KIRREL3: variants seen among roughly 807,000 people sequenced by gnomAD.
KIRREL3 encodes the protein kirre like nephrin family adhesion molecule 3.
KIRREL3 carries 36 observed loss-of-function variants against 89.7 expected under a neutral mutation model. The observed-to-expected ratio is 0.40, with a 90% CI of 0.31 to 0.53. The LOEUF is 0.53. KIRREL3 is among the 20% of genes least tolerant of loss of function. KIRREL3 has a pLI of 0.49. For synonymous variants in KIRREL3, 445 were observed against 441.4 expected (o/e 1.01, Z -0.10); for missense variants, 864 against 1,056.6 (o/e 0.82, Z 2.53).
intron 1 of KIRREL3, among the ~76,000 whole-genome samples, chr11:126,838,021 T>A (rs1031583395): frequency 6.6e-6 from 1 of 152,238 alleles, no homozygotes; most frequent in Admixed American, 6.5e-5. Context: ...TGTAAGTCAT[T>A]GCCCATCATC....
At chr11:126,800,998 G>A in intron 1 of KIRREL3, among the ~76,000 whole-genome samples, 1 of 152,144 alleles carries the variant, frequency 6.6e-6, no homozygotes, top group East Asian at 1.9e-4. Flanking sequence ...CACTGCTTTA[G>A]CAGCTGATAT....
rs745330811 is a variant in KIRREL3, at chr11:126,710,816, C to A, written c.56-147904G>T. The stretch of plus-strand genomic sequence containing the variant: ...AGATCTACTACAGTTTGACAACTGC[C>A]ACAAACACAAATCTTATTTGGGAGT... On this transcript the variant is annotated intron_variant, in intron 1 of 16. Transcript: ENST00000525144. This position sits in a 1 kb window ranked among gnomAD's most constrained non-coding sequence, Gnocchi z 4.2. 1.3e-5 allele frequency among the ~76,000 whole-genome samples: 2 copies of A among 152,176 alleles called. No homozygotes were observed. The highest frequency in any genetic ancestry group is 2.4e-5 in the African/African-American group (1 of 41,444).
intron 4 of KIRREL3, among the ~76,000 whole-genome samples, chr11:126,511,617 G>T (rs1489051227): frequency 1.3e-5 from 2 of 152,152 alleles, no homozygotes; most frequent in African/African-American, 2.4e-5. Flanking sequence ...TTAGGCTCTG[G>T]CCCCTGCCAA....
rs925381927 is a variant in KIRREL3 at position 126,431,198 on chromosome 11, G to A, written c.1696+221C>T. 13 of 1,485,040 alleles carry A rather than the reference G, an allele frequency of 8.8e-6. No individual in the cohort carries two copies. The highest frequency in any genetic ancestry group is 2.7e-5 in the South Asian group (2 of 73,540). 92.0% of individuals were successfully genotyped at this position (1,485,040 alleles called of 1,614,324 possible). ...CTGGCTGCCCTGCAGATGAAGTTCA[G>A]TCTAGTCCAGGTCAACCTCAGCCTA... On this transcript the variant is annotated intron_variant, in intron 14 of 16. Coordinates refer to ENST00000525144, the MANE Select transcript of KIRREL3 (RefSeq NM_032531.4). This position sits in a 1 kb window ranked among gnomAD's most constrained non-coding sequence, Gnocchi z 7.1.
chr11:126,610,221 G>C lies in KIRREL3; in HGVS notation c.56-47309C>G, dbSNP rs537707535. On this transcript the variant is annotated intron_variant, in intron 1 of 16. Transcript: ENST00000525144. The surrounding 1 kb of genome is among the most constrained non-coding windows in gnomAD (Gnocchi z 4.6). ...TTCTCCTGCCTCAGCCTGCCGAGTG[G>C]CTGGGATTACAGGCATGCACCACCA... Among the ~76,000 whole-genome samples the C allele has an allele frequency of 6.6e-6, 1 of 152,124 alleles. No homozygotes were observed. Among genetic ancestry groups the C allele is most frequent in the East Asian group, 1.9e-4 (1 of 5,194 alleles).
At chr11:126,984,576 A>G (rs1005563140) in intron 1 of KIRREL3, among the ~76,000 whole-genome samples, 3 of 152,216 alleles carry the variant, frequency 2.0e-5, no homozygotes, top group East Asian at 3.9e-4. Context: ...TAATGGAGTT[A>G]TTATGTTCTC....
rs527769509 is a variant in KIRREL3 at position 126,445,323 on chromosome 11, G to A, written c.1126-218C>T. 2.0e-5 allele frequency among the ~76,000 whole-genome samples: 3 copies of A among 152,340 alleles called. 1 individual carries two copies. Among genetic ancestry groups the A allele is most frequent in the African/African-American group, 4.8e-5 (2 of 41,586 alleles). On this transcript the variant is annotated intron_variant, in intron 9 of 16. Coordinates refer to ENST00000525144, the MANE Select transcript of KIRREL3 (RefSeq NM_032531.4). ...ACTGTACCAGCAGAGAGGCCACCCCGTGTGACTGAGGATGTTACATCCCAG... is the reference window on the plus strand; with the variant it reads ...ACTGTACCAGCAGAGAGGCCACCCCATGTGACTGAGGATGTTACATCCCAG...
intron 1 of KIRREL3, among the ~76,000 whole-genome samples, chr11:126,851,350 C>T (rs2134565312): frequency 6.6e-6 from 1 of 152,278 alleles, no homozygotes; most frequent in East Asian, 1.9e-4. Flanking sequence ...CCTATTCAGA[C>T]ATTTGGGGTG....
At chr11:126,720,226 A>G (rs1237696769) in intron 1 of KIRREL3, among the ~76,000 whole-genome samples, 1 of 152,204 alleles carries the variant, frequency 6.6e-6, no homozygotes, top group East Asian at 1.9e-4. Context: ...TTTGTCCACT[A>G]CTGTATCTCC....
Position 126,454,788 on chromosome 11 carries a change from G to A in KIRREL3, c.848+1561C>T, listed in dbSNP as rs1052341264. ...TGATTCTGGGGAGCCTGGAGTCCCC[G>A]GCTCAGAAGGGACCCTGGAGGTCAT... is the stretch of plus-strand genomic sequence containing the variant. On this transcript the variant is annotated intron_variant, in intron 7 of 16. Coordinates refer to ENST00000525144, the MANE Select transcript of KIRREL3 (RefSeq NM_032531.4). The surrounding 1 kb of genome is among the most constrained non-coding windows in gnomAD (Gnocchi z 5.8). Among the ~76,000 whole-genome samples, 3 of 152,142 alleles carry A rather than the reference G, an allele frequency of 2.0e-5. No individual in the cohort carries two copies. The highest frequency in any genetic ancestry group is 1.9e-4 in the East Asian group (1 of 5,194).
chr11:126,992,275 T>G (rs1181107859), intron 1 of KIRREL3, among the ~76,000 whole-genome samples: 2 of 152,236 alleles, frequency 1.3e-5, no homozygotes, highest in Admixed American at 6.5e-5. Flanking sequence ...GGACGTCATC[T>G]AGTCTACTCT....
In KIRREL3 at chr11:126,535,181, A is replaced by T. The variant is rs991811620; in HGVS notation, c.134-8494T>A. On this transcript the variant is annotated intron_variant, in intron 2 of 16. Coordinates refer to ENST00000525144, the MANE Select transcript of KIRREL3 (RefSeq NM_032531.4). The surrounding 1 kb of genome is among the most constrained non-coding windows in gnomAD (Gnocchi z 4.5). ...CCCAGTTGTTTCCCCACCCTCCTCCATCGGGACTCCTCCTGACTGCTCTTC... is the reference window on the plus strand; with the variant it reads ...CCCAGTTGTTTCCCCACCCTCCTCCTTCGGGACTCCTCCTGACTGCTCTTC... 6.6e-6 allele frequency among the ~76,000 whole-genome samples: 1 copy of T among 152,012 alleles called. No homozygotes were observed. The highest frequency in any genetic ancestry group is 1.5e-5 in the Non-Finnish European group (1 of 68,010).
chr11:126,772,572 G>A lies in KIRREL3; in HGVS notation c.56-209660C>T, dbSNP rs558950252. 2.0e-5 allele frequency among the ~76,000 whole-genome samples: 3 copies of A among 152,338 alleles called. No individual in the cohort carries two copies. Among genetic ancestry groups the A allele is most frequent in the East Asian group, 3.9e-4 (2 of 5,190 alleles). On this transcript the variant is annotated intron_variant, in intron 1 of 16. Transcript: ENST00000525144. The surrounding 1 kb of genome is among the most constrained non-coding windows in gnomAD (Gnocchi z 4.6). Reference sequence around the variant, plus strand: ...CAATGTGGCTCACAGAGTGGGAAGGGCAGATGAGCAGAATCAACGTGGGCA... The same window carrying A: ...CAATGTGGCTCACAGAGTGGGAAGGACAGATGAGCAGAATCAACGTGGGCA...
chr11:126,732,972 T>A (rs1171949367), intron 1 of KIRREL3, among the ~76,000 whole-genome samples: 2 of 152,198 alleles, frequency 1.3e-5, no homozygotes, highest in Non-Finnish European at 2.9e-5. Flanking sequence ...TTTGGTGAAA[T>A]GCAATGTGGA....
In KIRREL3 at chr11:126,870,827, C is replaced by G. The variant is rs1194952316; in HGVS notation, c.55+129628G>C. 6.6e-6 allele frequency among the ~76,000 whole-genome samples: 1 copy of G among 152,172 alleles called. No individual in the cohort carries two copies. The highest frequency in any genetic ancestry group is 6.5e-5 in the Admixed American group (1 of 15,276). Reference sequence around the variant, plus strand: ...GTGTAGTTCCTGCACTGCCCCTCCCCACTTCCAGTGTAGATCTGGGCCCCT... The same window carrying G: ...GTGTAGTTCCTGCACTGCCCCTCCCGACTTCCAGTGTAGATCTGGGCCCCT... On this transcript the variant is annotated intron_variant, in intron 1 of 16. Transcript: ENST00000525144. This position sits in a 1 kb window ranked among gnomAD's most constrained non-coding sequence, Gnocchi z 4.4.
intron 1 of KIRREL3, among the ~76,000 whole-genome samples, chr11:126,714,065 G>A (rs1439750769): frequency 6.6e-6 from 1 of 152,152 alleles, no homozygotes; most frequent in Non-Finnish European, 1.5e-5. Flanking sequence ...CAGGGCTGGG[G>A]AGGGGAAAGG....
rs1031080032 is a variant in KIRREL3 at position 126,685,230 on chromosome 11, G to A, written c.56-122318C>T. ...GATAGCCCCAGCTCTGCTCTGGGGA[G>A]TCAGGGGCAGGGCGGCAGATGCTTG... On this transcript the variant is annotated intron_variant, in intron 1 of 16. Coordinates refer to ENST00000525144, the MANE Select transcript of KIRREL3 (RefSeq NM_032531.4). The surrounding 1 kb of genome is among the most constrained non-coding windows in gnomAD (Gnocchi z 5.5). 6.6e-6 allele frequency among the ~76,000 whole-genome samples: 1 copy of A among 152,210 alleles called. No individual in the cohort carries two copies. Among genetic ancestry groups the A allele is most frequent in the African/African-American group, 2.4e-5 (1 of 41,446 alleles).
chr11:126,613,870 G>GC, intron 1 of KIRREL3, among the ~76,000 whole-genome samples: 1 of 40,374 alleles, frequency 2.5e-5, no homozygotes, highest in South Asian at 1.0e-3. Flanking sequence ...TAATACTGTT[G>GC]CTTTTTTTTT....
In KIRREL3 at chr11:126,531,959, A is replaced by T. The variant is rs1405057546; in HGVS notation, c.134-5272T>A. 6.6e-6 allele frequency among the ~76,000 whole-genome samples: 1 copy of T among 152,034 alleles called. No homozygotes were observed. Among genetic ancestry groups the T allele is most frequent in the Non-Finnish European group, 1.5e-5 (1 of 68,010 alleles). ...ATTGCTTTTGCATTATGAACTACTA[A>T]CCCGGCAGATACTGTTCAGAGCACA... On this transcript the variant is annotated intron_variant, in intron 2 of 16. Transcript: ENST00000525144. The surrounding 1 kb of genome is among the most constrained non-coding windows in gnomAD (Gnocchi z 4.7).
Sources: gnomAD v4.1 joint callset for allele counts (sites outside exome capture counted in the v4.1 genomes callset) on GRCh38, gnomAD v4.1.1 for gene constraint, Gnocchi (gnomAD v3.1) non-coding constraint, MANE v1.5 for transcripts, NCBI Gene and HGNC (gene_info 2026-07-23, HGNC 2026-07-21) for gene names.